Variants in IQCB1 observed in about 807,000 individuals in gnomAD.
IQCB1 encodes IQ calmodulin-binding motif-containing protein 1.
In IQCB1, 56 loss-of-function variants were observed where a neutral mutation model predicts 84.4. The ratio of observed to expected loss-of-function variants is 0.66; its 90% CI spans 0.54 to 0.83. The LOEUF is 0.83. Ranked by LOEUF, IQCB1 falls within the 40% of genes least tolerant of loss-of-function variation. IQCB1 has a pLI of 0.00. For missense variants in IQCB1, 629 were observed against 682.1 expected (o/e 0.92, Z 0.87); for synonymous variants, 210 against 234.8 (o/e 0.89, Z 0.96).
chr3:121,779,992 T>C (rs1559753754), intron 13 of IQCB1, among the ~76,000 whole-genome samples: 2 of 152,216 alleles, frequency 1.3e-5, no homozygotes, highest in African/African-American at 4.8e-5. Context: ...CCTTTTCAGA[T>C]GACTCGATAA....
At chr3:121,820,671 T>C (rs1043508442) in intron 5 of IQCB1, among the ~76,000 whole-genome samples, 2 of 152,200 alleles carry the variant, frequency 1.3e-5, no homozygotes, top group Non-Finnish European at 2.9e-5. Flanking sequence ...CTTAAACATC[T>C]GTAGGGCCTT....
chr3:121,785,188 G>C (rs559289402), intron 12 of IQCB1, among the ~76,000 whole-genome samples: 1 of 152,098 alleles, frequency 6.6e-6, no homozygotes, highest in Admixed American at 6.5e-5. Flanking sequence ...TCCTGCCAAG[G>C]ACACTAATAA....
At chr3:121,821,562 T>C (rs1357658622) in intron 5 of IQCB1, among the ~76,000 whole-genome samples, 4 of 152,224 alleles carry the variant, frequency 2.6e-5, no homozygotes, top group Non-Finnish European at 5.9e-5. Flanking sequence ...TTATAGTCTC[T>C]AGAAACTACT....
At chr3:121,792,840 T>A (rs955117092) in intron 10 of IQCB1, among the ~76,000 whole-genome samples, 2 of 152,166 alleles carry the variant, frequency 1.3e-5, no homozygotes, top group Admixed American at 6.5e-5. Flanking sequence ...AGTTATTTTG[T>A]TCAGAGTTTC....
chr3:121,809,440 A>G (rs549023162), intron 5 of IQCB1, among the ~76,000 whole-genome samples: 15 of 152,064 alleles, frequency 9.9e-5, no homozygotes, highest in Admixed American at 2.0e-4. Flanking sequence ...TTGGGTGAAA[A>G]TAACTGCAAT....
At chr3:121,794,338 T>C (rs12489511) in intron 10 of IQCB1, among the ~76,000 whole-genome samples, 44,733 of 151,848 alleles carry the variant, frequency 0.29, 7,198 homozygotes, top group Admixed American at 0.44. Flanking sequence ...AAAAACTTTG[T>C]ATTATCTCAA....
At chr3:121,801,111 G>A (rs1949390619) in intron 7 of IQCB1, among the ~76,000 whole-genome samples, 1 of 151,776 alleles carries the variant, frequency 6.6e-6, no homozygotes, top group Non-Finnish European at 1.5e-5. Flanking sequence ...AACCCTAAAA[G>A]GTTATTCCCC....
chr3:121,818,752 A>G (rs1241718237), intron 5 of IQCB1, among the ~76,000 whole-genome samples: 1 of 152,222 alleles, frequency 6.6e-6, no homozygotes, highest in Non-Finnish European at 1.5e-5. Flanking sequence ...AGGTCAGAAG[A>G]TGACCACGAA....
chr3:121,810,923 T>C (rs1351590074), intron 5 of IQCB1, among the ~76,000 whole-genome samples: 1 of 152,148 alleles, frequency 6.6e-6, no homozygotes, highest in Non-Finnish European at 1.5e-5. Context: ...ATATCAGAAA[T>C]GGAATTTGTA....
At position 121,828,911 on chromosome 3, in the gene IQCB1, A is replaced by G. The variant is rs1950541962; in HGVS notation, c.50T>C (p.Val17Ala). 1.9e-6 allele frequency: 3 copies of G among 1,611,940 alleles called. No individual in the cohort carries two copies. Among genetic ancestry groups the G allele is most frequent in the African/African-American group, 1.3e-5 (1 of 74,876 alleles). ...GACATTCTGCTCAGGGCTTTTTGCA[A>G]CTTCAGCAGCTATAGATAAGATCCT... is the stretch of plus-strand genomic sequence containing the variant. ...DPRILSIAAE[V>A]AKSPEQNVPV... The change falls in exon 3 of 15, where the codon GTT becomes GCT. Residue 17 changes from valine (V) to alanine (A), a missense_variant. Coordinates refer to ENST00000310864, the MANE Select transcript of IQCB1 (RefSeq NM_001023570.4).
intron 12 of IQCB1, among the ~76,000 whole-genome samples, chr3:121,785,749 G>C (rs1948681335): frequency 6.6e-6 from 1 of 152,088 alleles, no homozygotes. Context: ...TCAAAATCTG[G>C]TGGGTATTTT....
intron 5 of IQCB1, among the ~76,000 whole-genome samples, chr3:121,820,210 GAGGCCAT>G (rs1950224255): frequency 6.6e-6 from 1 of 152,148 alleles, no homozygotes; most frequent in South Asian, 2.1e-4. Context: ...AACAGACCAT[GAGGCCAT>G]GTACTAGACA....
intron 13 of IQCB1, among the ~76,000 whole-genome samples, chr3:121,779,942 T>C (rs1370017477): frequency 6.6e-6 from 1 of 152,214 alleles, no homozygotes; most frequent in Non-Finnish European, 1.5e-5. Flanking sequence ...ACAGATACTA[T>C]TCCTGGACCT....
In IQCB1 at chr3:121,823,606, T is replaced by C. The variant is rs551228528; in HGVS notation, c.393+2445A>G. On this transcript the variant is annotated intron_variant, in intron 5 of 14. Transcript: ENST00000310864. ...AATTGATGAAGTAGAATTATACACATGCAACAGAAATATTCCTCAAAAGTG... is the reference window on the plus strand; with the variant it reads ...AATTGATGAAGTAGAATTATACACACGCAACAGAAATATTCCTCAAAAGTG... Among the ~76,000 whole-genome samples the C allele has an allele frequency of 2.0e-3, 303 of 152,242 alleles. 1 individual carries two copies. The highest frequency in any genetic ancestry group is 0.014 in the Middle Eastern group (4 of 294).
chr3:121,816,914 T>C (rs1472911292), intron 5 of IQCB1, among the ~76,000 whole-genome samples: 2 of 152,226 alleles, frequency 1.3e-5, no homozygotes, highest in African/African-American at 4.8e-5. Context: ...ACTGGATATA[T>C]ACCCAAAGGA....
chr3:121,824,441 A>G (rs1950388570), intron 5 of IQCB1, among the ~76,000 whole-genome samples: 1 of 152,204 alleles, frequency 6.6e-6, no homozygotes, highest in South Asian at 2.1e-4. Context: ...ACTATTGGCC[A>G]TGGGTAACTG....
At chr3:121,834,153 G>C (rs1708117880) in intron 2 of IQCB1, 1 of 152,190 alleles carries the variant, frequency 6.6e-6, no homozygotes, top group Non-Finnish European at 1.5e-5. Flanking sequence ...GATTTACACA[G>C]ACAGGTTGAA....
At chr3:121,800,143 T>C (rs1304166131) in intron 7 of IQCB1, among the ~76,000 whole-genome samples, 1 of 151,976 alleles carries the variant, frequency 6.6e-6, no homozygotes, top group African/African-American at 2.4e-5. Flanking sequence ...AAAAGGTAAT[T>C]CTAGAAGCTA....
At chr3:121,780,031 A>G (rs754450830) in intron 13 of IQCB1, among the ~76,000 whole-genome samples, 5 of 152,266 alleles carry the variant, frequency 3.3e-5, no homozygotes, top group Non-Finnish European at 7.4e-5. Context: ...CCTCACATGT[A>G]CATGCTGATT....
Sources: gnomAD v4.1 joint callset for allele counts (sites outside exome capture counted in the v4.1 genomes callset) on GRCh38, gnomAD v4.1.1 for gene constraint, MANE v1.5 for transcripts, NCBI Gene and HGNC (gene_info 2026-07-23, HGNC 2026-07-21) for gene names.